The following GPC6 variants were observed in gnomAD, a reference collection of about 807,000 sequenced individuals.
The protein encoded by GPC6 is glypican 6.
GPC6 carries 14 observed loss-of-function variants against 55.2 expected under a neutral mutation model. The ratio of observed to expected loss-of-function variants is 0.25; its 90% CI spans 0.17 to 0.40. GPC6 has a LOEUF of 0.40. Ranked by LOEUF, GPC6 falls within the 10% of genes least tolerant of loss-of-function variation. The pLI, the probability that GPC6 is intolerant of heterozygous loss-of-function variation, is 1.00. For synonymous variants in GPC6, 278 were observed against 259.6 expected (o/e 1.07, Z -0.68); for missense variants, 641 against 708.5 (o/e 0.90, Z 1.08).
At chr13:93,449,718 C>T (rs1878150326) in intron 1 of GPC6, among the ~76,000 whole-genome samples, 1 of 151,846 alleles carries the variant, frequency 6.6e-6, no homozygotes, top group Non-Finnish European at 1.5e-5. Flanking sequence ...ATCCCAGCTA[C>T]TCGGGAGGCT....
intron 6 of GPC6, among the ~76,000 whole-genome samples, chr13:94,352,265 T>G (rs72647633): frequency 6.6e-6 from 1 of 152,070 alleles, no homozygotes; most frequent in Admixed American, 6.5e-5. Context: ...GACTGGGCTC[T>G]CTTCCAGGAT....
intron 3 of GPC6, among the ~76,000 whole-genome samples, chr13:93,831,667 C>T (rs1405981384): frequency 6.6e-6 from 1 of 151,774 alleles, no homozygotes; most frequent in Non-Finnish European, 1.5e-5. Context: ...TCCGTAATAG[C>T]CCATTTTAAA....
At chr13:93,725,864 A>C (rs530563667) in intron 2 of GPC6, among the ~76,000 whole-genome samples, 1 of 152,226 alleles carries the variant, frequency 6.6e-6, no homozygotes, top group East Asian at 1.9e-4. Flanking sequence ...AATAAAATAC[A>C]TTCACTTTAT....
chr13:93,622,821 T>C (rs1419021675), intron 2 of GPC6, among the ~76,000 whole-genome samples: 1 of 152,188 alleles, frequency 6.6e-6, no homozygotes, highest in African/African-American at 2.4e-5. Context: ...TTAACTACAG[T>C]CACCTTACTG....
At chr13:93,882,324 T>C (rs1875042158) in intron 3 of GPC6, among the ~76,000 whole-genome samples, 1 of 151,868 alleles carries the variant, frequency 6.6e-6, no homozygotes, top group Admixed American at 6.6e-5. Context: ...TTTTTGAATT[T>C]TGTGTAGAGA....
chr13:93,234,708 G>GAGAGAGAGAGAGAT (rs1876174454), intron 1 of GPC6, among the ~76,000 whole-genome samples: 4 of 150,430 alleles, frequency 2.7e-5, no homozygotes, highest in Admixed American at 2.7e-4. Context: ...GAGAGAGAGA[G>GAGAGAGAGAGAGAT]TGCAAGAGAG....
chr13:94,231,279 C>T (rs904921682), intron 4 of GPC6, among the ~76,000 whole-genome samples: 2 of 152,094 alleles, frequency 1.3e-5, no homozygotes, highest in African/African-American at 4.8e-5. Flanking sequence ...AGAGACAGCT[C>T]CCCGCTGTGA....
At chr13:93,600,094 C>A (rs1360135980) in intron 2 of GPC6, among the ~76,000 whole-genome samples, 1 of 152,184 alleles carries the variant, frequency 6.6e-6, no homozygotes, top group Non-Finnish European at 1.5e-5. Context: ...CTTTCTCATT[C>A]TTATAATAGT....
At chr13:93,257,710 A>G (rs1877002869) in intron 1 of GPC6, among the ~76,000 whole-genome samples, 1 of 152,188 alleles carries the variant, frequency 6.6e-6, no homozygotes, top group Admixed American at 6.5e-5. Context: ...GGCAGAGACA[A>G]TTCACTTGTC....
intron 2 of GPC6, among the ~76,000 whole-genome samples, chr13:93,771,442 C>T (rs924744102): frequency 1.3e-5 from 2 of 152,130 alleles, no homozygotes; most frequent in Non-Finnish European, 2.9e-5. Flanking sequence ...TCTCATTTGT[C>T]TCACACGTGT....
At chr13:94,129,363 A>G (rs1343391211) in intron 4 of GPC6, among the ~76,000 whole-genome samples, 1 of 151,990 alleles carries the variant, frequency 6.6e-6, no homozygotes, top group East Asian at 1.9e-4. Flanking sequence ...CTTGTTCTTT[A>G]GCTTCTGGGT....
intron 2 of GPC6, among the ~76,000 whole-genome samples, chr13:93,551,090 G>A (rs887074150): frequency 2.0e-5 from 3 of 152,128 alleles, no homozygotes; most frequent in Non-Finnish European, 4.4e-5. Flanking sequence ...TTCAAAGAAT[G>A]TCTTAAGATT....
chr13:94,266,145 T>A (rs959285628), intron 4 of GPC6, among the ~76,000 whole-genome samples: 14 of 106,714 alleles, frequency 1.3e-4, no homozygotes, highest in East Asian at 6.0e-4. Context: ...TCTTTACTTT[T>A]CTTTTCTTTT....
intron 3 of GPC6, among the ~76,000 whole-genome samples, chr13:93,885,680 T>A (rs1195969457): frequency 6.6e-6 from 1 of 152,186 alleles, no homozygotes; most frequent in Non-Finnish European, 1.5e-5. Flanking sequence ...TTTATGGTAA[T>A]TCACTGTAGG....
intron 2 of GPC6, among the ~76,000 whole-genome samples, chr13:93,614,864 A>G (rs1337700419): frequency 6.6e-6 from 1 of 152,002 alleles, no homozygotes; most frequent in Non-Finnish European, 1.5e-5. Flanking sequence ...ATCTTGTCCT[A>G]TTTGTTTTAT....
At chr13:94,214,774 T>C (rs1350865386) in intron 4 of GPC6, among the ~76,000 whole-genome samples, 2 of 152,208 alleles carry the variant, frequency 1.3e-5, no homozygotes, top group Non-Finnish European at 2.9e-5. Flanking sequence ...GAGAATTCAA[T>C]TCAATAGGAC....
chr13:93,749,978 T>C (rs1352885711), intron 2 of GPC6, among the ~76,000 whole-genome samples: 1 of 152,194 alleles, frequency 6.6e-6, no homozygotes, highest in Non-Finnish European at 1.5e-5. Context: ...TTTCTAGGGC[T>C]CTTTTGGATG....
intron 3 of GPC6, among the ~76,000 whole-genome samples, chr13:93,927,227 C>T (rs943428600): frequency 1.3e-5 from 2 of 152,092 alleles, no homozygotes; most frequent in African/African-American, 2.4e-5. Flanking sequence ...TTCATTGAGT[C>T]TCATAATAAA....
At chr13:93,877,372 A>G (rs773724392) in intron 3 of GPC6, among the ~76,000 whole-genome samples, 2 of 152,078 alleles carry the variant, frequency 1.3e-5, no homozygotes, top group African/African-American at 2.4e-5. Context: ...GGCATTATTT[A>G]TAAACCCACT....
Sources: allele counts gnomAD v4.1 joint callset (sites outside exome capture counted in the v4.1 genomes callset), GRCh38; gene constraint gnomAD v4.1.1; transcripts MANE v1.5; gene names NCBI Gene and HGNC (gene_info 2026-07-23, HGNC 2026-07-21).